Variants in BMP8B observed in about 807,000 individuals in gnomAD.
BMP8B encodes bone morphogenetic protein 8b.
A neutral mutation model predicts 30.3 loss-of-function variants in BMP8B; 17 were observed. The observed-to-expected ratio is 0.56, with a 90% CI of 0.38 to 0.84. BMP8B has a LOEUF of 0.84. BMP8B is among the 40% of genes least tolerant of loss of function. The pLI, the probability that BMP8B is intolerant of heterozygous loss-of-function variation, is 0.00. For missense variants in BMP8B, 253 were observed against 494.6 expected, an observed-to-expected ratio of 0.51 and a Z score of 4.63; for synonymous variants, 131 against 214.7, an observed-to-expected ratio of 0.61 and a Z score of 3.41.
chr1:39,769,811 G>T, intron 3 of BMP8B: 1 of 1,613,698 alleles, frequency 6.2e-7, no homozygotes, highest in Non-Finnish European at 8.5e-7. Flanking sequence ...CTCCCTCAGC[G>T]TCAGCTCTTT....
chr1:39,778,066 T>A, intron 1 of BMP8B, among the ~76,000 whole-genome samples: 1 of 152,218 alleles, frequency 6.6e-6, no homozygotes, highest in East Asian at 1.9e-4. Context: ...TGGGTGGACA[T>A]GGGAGGCTCG....
chr1:39,757,474 C>G lies in BMP8B; in HGVS notation c.*2945G>C, dbSNP rs1031831108. ...GGACCTTTTCCAGAACATGTTACTT[C>G]CCTGCCTCAGTTAGAAGTTAGTGAC... On this transcript the variant is annotated 3_prime_UTR_variant, in exon 7 of 7. Coordinates refer to ENST00000372827, the MANE Select transcript of BMP8B (RefSeq NM_001720.5). The G allele has an allele frequency of 3.9e-5, 6 of 152,282 alleles. No individual in the cohort carries two copies. Among genetic ancestry groups the G allele is most frequent in the African/African-American group, 7.2e-5 (3 of 41,472 alleles). 9.4% of individuals were successfully genotyped at this position (152,282 alleles called of 1,614,324 possible). A position where few individuals can be genotyped will look rare whatever the true frequency, so the allele number is the denominator to read the frequency against.
chr1:39,781,157 T>A (rs901192252), intron 1 of BMP8B, among the ~76,000 whole-genome samples: 2 of 152,176 alleles, frequency 1.3e-5, no homozygotes, highest in East Asian at 3.8e-4. Flanking sequence ...CAGCACACAG[T>A]AGGTTTGCAG....
At chr1:39,780,705 A>T (rs1438972449) in intron 1 of BMP8B, among the ~76,000 whole-genome samples, 1 of 152,240 alleles carries the variant, frequency 6.6e-6, no homozygotes, top group African/African-American at 2.4e-5. Flanking sequence ...CAGCCTGGGC[A>T]ACATCATGAG....
In BMP8B at chr1:39,776,503, C is replaced by T. The variant is rs368009703; in HGVS notation, c.335-1465G>A. Reference sequence around the variant, plus strand: ...TGTAAAAGCACCAGGCTGTGCGGGCCGAGGCGGATGTGGGGAGCACTTCCT... The same window carrying T: ...TGTAAAAGCACCAGGCTGTGCGGGCTGAGGCGGATGTGGGGAGCACTTCCT... On this transcript the variant is annotated intron_variant, in intron 1 of 6. Transcript: ENST00000372827. Among the ~76,000 whole-genome samples, 9 of 152,282 alleles carry T rather than the reference C, an allele frequency of 5.9e-5. No homozygotes were observed. In the East Asian group the frequency reaches 7.7e-4, roughly 13 times the overall value.
In BMP8B at chr1:39,760,095, T is replaced by C. The variant is rs1322691766; in HGVS notation, c.*324A>G. 6 of 363,704 alleles carry C rather than the reference T, an allele frequency of 1.6e-5. No homozygotes were observed. Among genetic ancestry groups the C allele is most frequent in the Non-Finnish European group, 3.1e-5 (6 of 193,842 alleles). 22.5% of individuals were successfully genotyped at this position (363,704 alleles called of 1,614,324 possible). On this transcript the variant is annotated 3_prime_UTR_variant, in exon 7 of 7. Transcript: ENST00000372827. The stretch of plus-strand genomic sequence containing the variant: ...TCACGACCTGAGCCAGTAAGGGGCA[T>C]GGATAGGACCTCAGACAGGACTTCT...
Position 39,760,558 on chromosome 1 carries a change from A to G in BMP8B, c.1070T>C (p.Met357Thr). Reference sequence around the variant, plus strand: ...CGCCTTGGGGACTGCGTCTGGCATCATCAGGTGCACCTGGCCAGGAAGAGG... The same window carrying G: ...CGCCTTGGGGACTGCGTCTGGCATCGTCAGGTGCACCTGGCCAGGAAGAGG... ...HAILQSLVHL[M>T]MPDAVPKACC... Residue 357 changes from methionine (M) to threonine (T), a missense_variant, in exon 7 of 7, where the codon ATG becomes ACG. Coordinates refer to ENST00000372827, the MANE Select transcript of BMP8B (RefSeq NM_001720.5). The G allele has an allele frequency of 1.2e-6, 2 of 1,613,794 alleles. No homozygotes were observed. Among genetic ancestry groups the G allele is most frequent in the Middle Eastern group, 1.7e-4 (1 of 6,000 alleles).
At chr1:39,760,958 C>T (rs144669720) in intron 6 of BMP8B, among the ~76,000 whole-genome samples, 2,556 of 152,164 alleles carry the variant, frequency 0.017, 47 homozygotes, top group Non-Finnish European at 0.028. Flanking sequence ...TCTTTTGGCC[C>T]TTCGGACCCC....
chr1:39,787,353 T>C (rs1391214389), intron 1 of BMP8B, among the ~76,000 whole-genome samples: 2 of 152,132 alleles, frequency 1.3e-5, no homozygotes, highest in African/African-American at 4.8e-5. Flanking sequence ...GCAAAGCAGA[T>C]GGGTGACCTG....
At chr1:39,785,808 C>T (rs184046804) in intron 1 of BMP8B, among the ~76,000 whole-genome samples, 10 of 149,502 alleles carry the variant, frequency 6.7e-5, no homozygotes, top group Admixed American at 5.9e-4. Flanking sequence ...CTAATCCATG[C>T]CCCCCCACCG....
At chr1:39,762,881 C>T (rs921512809) in intron 6 of BMP8B, among the ~76,000 whole-genome samples, 4 of 152,214 alleles carry the variant, frequency 2.6e-5, no homozygotes, top group African/African-American at 4.8e-5. Context: ...CACGTATGTC[C>T]GTGTTTGGGT....
At chr1:39,777,718 T>C (rs924706675) in intron 1 of BMP8B, among the ~76,000 whole-genome samples, 9 of 152,342 alleles carry the variant, frequency 5.9e-5, no homozygotes, top group Non-Finnish European at 8.8e-5. Flanking sequence ...GAGCAGAATC[T>C]TGTGGCCTGT....
Position 39,767,235 on chromosome 1 carries a change from C to G in BMP8B, c.674-2418G>C, listed in dbSNP as rs1180157167. 2.0e-5 allele frequency among the ~76,000 whole-genome samples: 3 copies of G among 152,138 alleles called. 1 individual carries two copies. The highest frequency in any genetic ancestry group is 2.9e-5 in the Non-Finnish European group (2 of 67,982). On this transcript the variant is annotated intron_variant, in intron 3 of 6. Transcript: ENST00000372827. Reference sequence around the variant, plus strand: ...GGCCAGGCGAGCCTGACTAGGGAACCTTGGAAGCAGCTAATCCCAGGTTCC... The same window carrying G: ...GGCCAGGCGAGCCTGACTAGGGAACGTTGGAAGCAGCTAATCCCAGGTTCC...
intron 1 of BMP8B, among the ~76,000 whole-genome samples, chr1:39,783,486 GA>G (rs1471067614): frequency 3.3e-5 from 5 of 152,288 alleles, no homozygotes; most frequent in African/African-American, 7.2e-5. Context: ...TTATTGCAAG[GA>G]CAAATACCTT....
intron 1 of BMP8B, among the ~76,000 whole-genome samples, 186 bp downstream of exon 1, chr1:39,787,966 C>T (rs11585039): frequency 0.027 from 4,046 of 152,274 alleles, 102 homozygotes; most frequent in East Asian, 0.12. Context: ...TCCTGACCAC[C>T]CCGCAGCCCA....
Position 39,758,752 on chromosome 1 carries a change from G to C in BMP8B, c.*1667C>G, listed in dbSNP as rs898765433. 1 of 152,314 alleles carries C rather than the reference G, an allele frequency of 6.6e-6. No homozygotes were observed. The highest frequency in any genetic ancestry group is 2.4e-5 in the African/African-American group (1 of 41,474). The allele number at this position is 152,314 out of a possible 1,614,324, so 9.4% of individuals were successfully genotyped here. On this transcript the variant is annotated 3_prime_UTR_variant, in exon 7 of 7. Coordinates refer to ENST00000372827, the MANE Select transcript of BMP8B (RefSeq NM_001720.5). ...AGGCCAGAGCTGAGATCCCTGTGCT[G>C]ATAGGGAATTCTCCAACTTCCAGAC...
chr1:39,787,223 G>A (rs1651043799), intron 1 of BMP8B, among the ~76,000 whole-genome samples: 1 of 145,696 alleles, frequency 6.9e-6, no homozygotes, highest in Non-Finnish European at 1.5e-5. Flanking sequence ...TGTGGAGGGA[G>A]GCTGATGGCC....
rs528470832 is a variant in BMP8B at position 39,759,623 on chromosome 1, G to A, written c.*796C>T. 4 of 152,360 alleles carry A rather than the reference G, an allele frequency of 2.6e-5. No homozygotes were observed. The highest frequency in any genetic ancestry group is 9.6e-5 in the African/African-American group (4 of 41,572). The allele number at this position is 152,360 out of a possible 1,614,324, so 9.4% of individuals were successfully genotyped here. On this transcript the variant is annotated 3_prime_UTR_variant, in exon 7 of 7. Transcript: ENST00000372827. ...TGCAACCACATGCTTGCTCAGCAAA[G>A]GGAAAACTCCACAGAGCTGAGCTCC...
chr1:39,785,642 T>G (rs1012547621), intron 1 of BMP8B, among the ~76,000 whole-genome samples: 1 of 152,158 alleles, frequency 6.6e-6, no homozygotes, highest in Non-Finnish European at 1.5e-5. Context: ...TGTGGGAGCC[T>G]GCGTGTGGGC....
Sources: gnomAD v4.1 joint callset for allele counts (sites outside exome capture counted in the v4.1 genomes callset) on GRCh38, gnomAD v4.1.1 for gene constraint, MANE v1.5 for transcripts, NCBI Gene and HGNC (gene_info 2026-07-23, HGNC 2026-07-21) for gene names.